AFG2A: variants seen among roughly 807,000 people sequenced by gnomAD.
The protein encoded by AFG2A is ATPase family gene 2 protein homolog A.
chr4:123,056,284 T>G, the AFG2A span: 2 of 1,054,352 alleles, frequency 1.9e-6, no homozygotes, highest in Non-Finnish European at 2.6e-6. Flanking sequence ...ATAAGCAGAT[T>G]TTGTTTATTT....
the AFG2A span, among the ~76,000 whole-genome samples, chr4:122,931,383 T>G: frequency 1.3e-5 from 2 of 152,168 alleles, no homozygotes; most frequent in Non-Finnish European, 2.9e-5. Context: ...GTTAGTTATG[T>G]TCTATTAAAG....
chr4:123,107,175 TCTC>T, the AFG2A span, among the ~76,000 whole-genome samples: 3 of 152,136 alleles, frequency 2.0e-5, no homozygotes, highest in African/African-American at 4.8e-5. Context: ...CTGCAACTCT[TCTC>T]CTTCTCATCA....
the AFG2A span, among the ~76,000 whole-genome samples, chr4:123,030,952 A>G: frequency 1.3e-5 from 2 of 152,198 alleles, no homozygotes; most frequent in African/African-American, 4.8e-5. Flanking sequence ...CTCAACATGT[A>G]CTATTCGTTC....
chr4:123,067,180 T>C, the AFG2A span, among the ~76,000 whole-genome samples: 1 of 152,092 alleles, frequency 6.6e-6, no homozygotes, highest in Non-Finnish European at 1.5e-5. Flanking sequence ...GCCTTCTTTT[T>C]TGGGGTTTCT....
At chr4:122,923,635 C>T in the AFG2A span, among the ~76,000 whole-genome samples, 4 of 152,194 alleles carry the variant, frequency 2.6e-5, no homozygotes, top group African/African-American at 9.7e-5. Context: ...AACTAGCGAA[C>T]ATGGGATACT....
chr4:122,923,199 C>T, the AFG2A span: 6 of 1,614,242 alleles, frequency 3.7e-6, no homozygotes, highest in Non-Finnish European at 5.1e-6. Flanking sequence ...ATGGTTCGTC[C>T]TTGCCCTCTG....
the AFG2A span, among the ~76,000 whole-genome samples, chr4:123,241,194 A>G: frequency 1.3e-5 from 2 of 152,352 alleles, no homozygotes; most frequent in South Asian, 4.1e-4. Context: ...GCCAAATTCT[A>G]CCATAGGTAC....
chr4:122,963,646 TA>T, the AFG2A span, among the ~76,000 whole-genome samples: 1 of 152,112 alleles, frequency 6.6e-6, no homozygotes, highest in African/African-American at 2.4e-5. Flanking sequence ...CACAGTTACA[TA>T]AAGTGCTTAG....
chr4:123,291,148 T>A, the AFG2A span, among the ~76,000 whole-genome samples: 10 of 152,298 alleles, frequency 6.6e-5, no homozygotes, highest in African/African-American at 2.4e-4. Flanking sequence ...TTGCTTTTGG[T>A]TTCATTTGCA....
At chr4:123,130,460 T>G in the AFG2A span, among the ~76,000 whole-genome samples, 1 of 152,234 alleles carries the variant, frequency 6.6e-6, no homozygotes, top group African/African-American at 2.4e-5. Context: ...CCCTGGCAAC[T>G]ACTGATCTGT....
the AFG2A span, among the ~76,000 whole-genome samples, chr4:122,991,246 T>C: frequency 6.6e-6 from 1 of 152,234 alleles, no homozygotes; most frequent in Non-Finnish European, 1.5e-5. Flanking sequence ...CCCTGTTACT[T>C]TCTTTGGCCA....
At chr4:123,174,819 T>TAA in the AFG2A span, among the ~76,000 whole-genome samples, 33 of 143,332 alleles carry the variant, frequency 2.3e-4, no homozygotes, top group East Asian at 3.4e-3. Flanking sequence ...TGATCTTTTT[T>TAA]AAAAAAAATA....
the AFG2A span, among the ~76,000 whole-genome samples, chr4:123,043,684 G>C: frequency 3.9e-5 from 6 of 152,114 alleles, no homozygotes; most frequent in Non-Finnish European, 8.8e-5. Flanking sequence ...AATTTTTAAA[G>C]ATTAAGAAAC....
the AFG2A span, among the ~76,000 whole-genome samples, chr4:123,237,672 CAAA>C: frequency 0.034 from 2,256 of 66,572 alleles, 61 homozygotes; most frequent in African/African-American, 0.12. Flanking sequence ...AACCTTGTCT[CAAA>C]AAAAAAAAAA....
At chr4:123,288,818 C>G in the AFG2A span, among the ~76,000 whole-genome samples, 1 of 152,122 alleles carries the variant, frequency 6.6e-6, no homozygotes, top group East Asian at 1.9e-4. Flanking sequence ...TTCAGTGTTT[C>G]TGCTGGCATG....
the AFG2A span, among the ~76,000 whole-genome samples, chr4:123,151,190 C>T: frequency 3.3e-5 from 5 of 152,246 alleles, no homozygotes; most frequent in South Asian, 4.1e-4. Context: ...TAGGCATTAC[C>T]GTTCAGGAAG....
chr4:123,131,373 C>A, the AFG2A span, among the ~76,000 whole-genome samples: 1 of 151,856 alleles, frequency 6.6e-6, no homozygotes, highest in African/African-American at 2.4e-5. Context: ...GTTTATTTTT[C>A]TTTTCTATCT....
chr4:122,947,610 G>A, the AFG2A span: 2 of 1,236,644 alleles, frequency 1.6e-6, no homozygotes, highest in Non-Finnish European at 2.1e-6. Context: ...ATTATAAAAT[G>A]TGTAATTTTT....
chr4:122,965,644 C>T, the AFG2A span, among the ~76,000 whole-genome samples: 1 of 152,262 alleles, frequency 6.6e-6, no homozygotes, highest in Non-Finnish European at 1.5e-5. Flanking sequence ...CTTAACATAG[C>T]AGTATTGCTT....
Sources: allele counts gnomAD v4.1 joint callset (sites outside exome capture counted in the v4.1 genomes callset), GRCh38; gene constraint gnomAD v4.1.1; transcripts MANE v1.5; gene names NCBI Gene and HGNC (gene_info 2026-07-23, HGNC 2026-07-21).